CDH12: variants seen among roughly 807,000 people sequenced by gnomAD.
The protein encoded by CDH12 is cadherin 12, also known as cadherin-12.
A neutral mutation model predicts 74.1 loss-of-function variants in CDH12; 41 were observed. The observed-to-expected ratio is 0.55, with a 90% CI of 0.43 to 0.72. The LOEUF (loss-of-function observed/expected upper bound fraction) is 0.72. CDH12 is among the 30% of genes least tolerant of loss of function. CDH12 has a pLI of 0.00. For synonymous variants in CDH12, 399 were observed against 355.0 expected (o/e 1.12, Z -1.39); for missense variants, 945 against 977.2 (o/e 0.97, Z 0.44).
intron 2 of CDH12, among the ~76,000 whole-genome samples, chr5:22,477,847 T>C (rs1191191054): frequency 1.3e-5 from 2 of 152,222 alleles, no homozygotes; most frequent in African/African-American, 4.8e-5. Context: ...CAGCTTTTGC[T>C]AAAGTGTAAC....
chr5:21,830,198 T>TAAAA (rs1561221170), intron 8 of CDH12, among the ~76,000 whole-genome samples: 2 of 28,096 alleles, frequency 7.1e-5, no homozygotes, highest in East Asian at 3.4e-3. Context: ...AAACTCCTTC[T>TAAAA]CAAAAAAAAA....
At chr5:22,066,836 A>T (rs1323141046) in intron 5 of CDH12, among the ~76,000 whole-genome samples, 2 of 152,200 alleles carry the variant, frequency 1.3e-5, no homozygotes, top group Non-Finnish European at 2.9e-5. Context: ...TAACTAACAC[A>T]GATGGATCTT....
At chr5:22,082,476 G>A (rs2150229589) in intron 4 of CDH12, among the ~76,000 whole-genome samples, 1 of 152,222 alleles carries the variant, frequency 6.6e-6, no homozygotes, top group Admixed American at 6.5e-5. Context: ...ACTGCACAAA[G>A]AGACTATACA....
chr5:21,855,309 A>G (rs908585462), intron 6 of CDH12, among the ~76,000 whole-genome samples: 2 of 151,720 alleles, frequency 1.3e-5, no homozygotes, highest in Non-Finnish European at 2.9e-5. Flanking sequence ...TAATTGCAAA[A>G]TAGTTATAAG....
chr5:22,540,536 T>G, intron 1 of CDH12, among the ~76,000 whole-genome samples: 1 of 152,286 alleles, frequency 6.6e-6, no homozygotes, highest in Middle Eastern at 3.4e-3. Context: ...TCATCATATT[T>G]TTATAAAAAG....
intron 3 of CDH12, among the ~76,000 whole-genome samples, chr5:22,318,273 C>T (rs1738715667): frequency 6.6e-6 from 1 of 152,206 alleles, no homozygotes; most frequent in Non-Finnish European, 1.5e-5. Context: ...AGAGACATCA[C>T]ATGGCACCAA....
chr5:21,975,217 T>C lies in CDH12; in HGVS notation c.400A>G (p.Ile134Val). ...FYTLRAQAVD[I>V]ETRKPLEPES... ...GGCTCCAGGGGCTTTCTGGTTTCTA[T>C]GTCCACAGCCTGAGCACGAAGAGTG... Residue 134 changes from isoleucine to valine, a missense_variant, in exon 6 of 15, where the codon ATA becomes GTA. By Grantham distance (29) the Ile-to-Val change is conservative (BLOSUM62 3). Transcript: ENST00000382254. 6.3e-7 allele frequency: 1 copy of C among 1,597,328 alleles called. No individual in the cohort carries two copies. The highest frequency in any genetic ancestry group is 2.2e-5 in the East Asian group (1 of 44,824).
chr5:22,000,066 T>C (rs959179575), intron 5 of CDH12, among the ~76,000 whole-genome samples: 1 of 152,108 alleles, frequency 6.6e-6, no homozygotes, highest in African/African-American at 2.4e-5. Context: ...CTGTTATTAA[T>C]GAAGTTCAGT....
At chr5:22,562,125 A>T (rs1022004135) in intron 1 of CDH12, among the ~76,000 whole-genome samples, 1 of 152,060 alleles carries the variant, frequency 6.6e-6, no homozygotes, top group South Asian at 2.1e-4. Context: ...AGACCATCCC[A>T]GCTAAAACGG....
In CDH12 at chr5:21,797,791, T is replaced by C. The variant is rs572521466; in HGVS notation, c.1256+4376A>G. Among the ~76,000 whole-genome samples the C allele has an allele frequency of 3.9e-5, 6 of 152,278 alleles. No homozygotes were observed. In the South Asian group the frequency reaches 1.2e-3, roughly 32 times the overall value. On this transcript the variant is annotated intron_variant, in intron 10 of 14. Transcript: ENST00000382254. ...TTTCTTGAATTTGGAACGTGTATCT[T>C]TACCTAATAATGTTTTTTACTTAGG...
chr5:22,269,367 C>A (rs374570524), intron 3 of CDH12, among the ~76,000 whole-genome samples: 2 of 152,048 alleles, frequency 1.3e-5, no homozygotes, highest in Admixed American at 1.3e-4. Context: ...CCTCTATTCA[C>A]GTTTTTATGC....
Position 22,734,348 on chromosome 5 carries a change from T to TA in CDH12, c.-523+118709dup, listed in dbSNP as rs200150686. On this transcript the variant is annotated intron_variant, in intron 1 of 14. Coordinates refer to ENST00000382254, the MANE Select transcript of CDH12 (RefSeq NM_004061.5). ...CAACATTTTTAGAGCAACAACATAA[T>TA]AAAAAAAATGCAAAAAAGTTACAAA... Among the ~76,000 whole-genome samples the TA allele has an allele frequency of 3.4e-3, 515 of 151,574 alleles. 2 individuals are homozygous for TA. Among genetic ancestry groups the TA allele is most frequent in the African/African-American group, 0.012 (479 of 41,392 alleles).
intron 3 of CDH12, among the ~76,000 whole-genome samples, chr5:22,334,351 T>C (rs1960529): frequency 0.057 from 8,574 of 151,358 alleles, 543 homozygotes; most frequent in African/African-American, 0.15. Context: ...ATGAAAGAAA[T>C]TGAAGAGAAT....
chr5:22,009,939 C>CAAAAAAAAAAAA (rs774589642), intron 5 of CDH12, among the ~76,000 whole-genome samples: 136 of 53,342 alleles, frequency 2.5e-3, no homozygotes, highest in Non-Finnish European at 3.5e-3. Flanking sequence ...GAAACTGTCT[C>CAAAAAAAAAAAA]AAAAAAAAAA....
intron 1 of CDH12, among the ~76,000 whole-genome samples, chr5:22,828,681 T>C (rs1409057255): frequency 1.3e-5 from 2 of 152,154 alleles, no homozygotes; most frequent in Non-Finnish European, 2.9e-5. Context: ...ATATCTTGCA[T>C]GGATGGATAT....
chr5:22,501,584 C>T (rs778825158), intron 2 of CDH12, among the ~76,000 whole-genome samples: 2 of 152,066 alleles, frequency 1.3e-5, no homozygotes, highest in Admixed American at 6.6e-5. Flanking sequence ...TCCTAACAGG[C>T]GTGTCTCAAA....
intron 1 of CDH12, among the ~76,000 whole-genome samples, chr5:22,696,288 G>T (rs1479287949): frequency 6.7e-6 from 1 of 148,938 alleles, no homozygotes; most frequent in African/African-American, 2.5e-5. Context: ...GGAGAATGGG[G>T]TGAACCTGGG....
intron 5 of CDH12, among the ~76,000 whole-genome samples, chr5:21,986,185 T>G (rs1259484355): frequency 6.6e-6 from 1 of 152,102 alleles, no homozygotes; most frequent in Admixed American, 6.5e-5. Context: ...CCCCAGTGTA[T>G]GCCAAAGAAG....
intron 6 of CDH12, among the ~76,000 whole-genome samples, chr5:21,904,339 G>A (rs532323049): frequency 1.7e-3 from 260 of 152,274 alleles, no homozygotes; most frequent in African/African-American, 5.8e-3. Flanking sequence ...AAAAAGGGGA[G>A]AGAACACAAG....
Sources: gnomAD v4.1 joint callset for allele counts (sites outside exome capture counted in the v4.1 genomes callset) on GRCh38, gnomAD v4.1.1 for gene constraint, MANE v1.5 for transcripts, NCBI Gene and HGNC (gene_info 2026-07-23, HGNC 2026-07-21) for gene names.